The following EYS variants were observed in gnomAD, a reference collection of about 807,000 sequenced individuals.
EYS encodes the protein EGF-like photoreceptor maintenance factor, also known as protein eyes shut homolog.
A neutral mutation model predicts 282.1 loss-of-function variants in EYS; 250 were observed. The ratio of observed to expected loss-of-function variants is 0.89; its 90% CI spans 0.80 to 0.98. The LOEUF (loss-of-function observed/expected upper bound fraction) is 0.98, where lower values mean the gene tolerates loss of function less well. EYS is among the 50% of genes least tolerant of loss of function. The pLI, the probability that EYS is intolerant of heterozygous loss-of-function variation, is 0.00. For synonymous variants in EYS, 1,355 were observed against 1,282.9 expected (o/e 1.06, Z -1.20); for missense variants, 4,016 against 3,709.0 (o/e 1.08, Z -2.15).
intron 9 of EYS, among the ~76,000 whole-genome samples, chr6:65,346,803 C>G (rs1770413425): frequency 6.6e-6 from 1 of 151,582 alleles, no homozygotes; most frequent in Admixed American, 6.6e-5. Context: ...GAACACTGAG[C>G]AAAAAACATG....
intron 35 of EYS, among the ~76,000 whole-genome samples, chr6:63,947,155 G>A (rs1765423306): frequency 6.6e-6 from 1 of 151,996 alleles, no homozygotes; most frequent in Admixed American, 6.6e-5. Context: ...TGAACAAAAT[G>A]TTATAATAAC....
At chr6:64,754,043 C>G (rs1772850389) in intron 22 of EYS, among the ~76,000 whole-genome samples, 1 of 151,980 alleles carries the variant, frequency 6.6e-6, no homozygotes. Flanking sequence ...AATTAAAACT[C>G]TTCTTGAAAA....
intron 26 of EYS, among the ~76,000 whole-genome samples, chr6:64,515,225 A>C (rs903737048): frequency 6.6e-6 from 1 of 151,700 alleles, no homozygotes; most frequent in African/African-American, 2.4e-5. Context: ...TTTTATATGG[A>C]TTAAGAATAA....
In EYS at chr6:65,567,742, T is replaced by C. The variant is rs137990128; in HGVS notation, c.-332-71749A>G. ...TAAAAAAGATAAACCCTAGCGGATT[T>C]ATAGTTATGCAGGGTTTTAACCAGT... is the stretch of plus-strand genomic sequence containing the variant. On this transcript the variant is annotated intron_variant, in intron 2 of 42. Coordinates refer to ENST00000503581, the MANE Select transcript of EYS (RefSeq NM_001142800.2). Among the ~76,000 whole-genome samples, 209 of 152,294 alleles carry C rather than the reference T, an allele frequency of 1.4e-3. 1 individual carries two copies. Among genetic ancestry groups the C allele is most frequent in the African/African-American group, 4.8e-3 (199 of 41,578 alleles).
At chr6:65,597,326 G>A (rs1054733714) in intron 2 of EYS, among the ~76,000 whole-genome samples, 3 of 151,982 alleles carry the variant, frequency 2.0e-5, no homozygotes, top group Non-Finnish European at 2.9e-5. Flanking sequence ...CTCGCCCAGA[G>A]TAATGTTCCA....
chr6:65,541,531 A>G (rs1768167409), intron 2 of EYS, among the ~76,000 whole-genome samples: 1 of 152,158 alleles, frequency 6.6e-6, no homozygotes, highest in African/African-American at 2.4e-5. Flanking sequence ...TATAATCCAG[A>G]CTATATTTTA....
chr6:65,245,036 G>T (rs899361704), intron 12 of EYS, among the ~76,000 whole-genome samples: 1 of 152,094 alleles, frequency 6.6e-6, no homozygotes, highest in Admixed American at 6.6e-5. Context: ...TTGTACTGCT[G>T]CTCACATTAT....
chr6:64,855,415 C>T (rs1008741585), intron 19 of EYS, among the ~76,000 whole-genome samples: 55 of 151,854 alleles, frequency 3.6e-4, no homozygotes, highest in African/African-American at 1.1e-3. Flanking sequence ...TCTTATTTTT[C>T]GCTTTTATTC....
intron 1 of EYS, among the ~76,000 whole-genome samples, chr6:65,642,676 A>G (rs1330023217): frequency 6.6e-6 from 1 of 152,208 alleles, no homozygotes. Context: ...TTATGTAACT[A>G]ACAAATACTT....
chr6:64,485,863 C>A (rs562447531), intron 26 of EYS, among the ~76,000 whole-genome samples: 124 of 151,412 alleles, frequency 8.2e-4, no homozygotes, highest in African/African-American at 3.0e-3. Context: ...CCAATGTTTA[C>A]TATTCATTAA....
chr6:64,139,521 A>G (rs1774269820), intron 31 of EYS, among the ~76,000 whole-genome samples: 1 of 152,168 alleles, frequency 6.6e-6, no homozygotes, highest in African/African-American at 2.4e-5. Context: ...GTGATTTCTG[A>G]TCTTGAGATT....
rs779204042 is a variant in EYS at position 65,335,064 on chromosome 6, T to C, written c.1682A>G (p.Asn561Ser). 2 of 1,612,036 alleles carry C rather than the reference T, an allele frequency of 1.2e-6. No homozygotes were observed. Among genetic ancestry groups the C allele is most frequent in the Admixed American group, 3.3e-5 (2 of 59,740 alleles). ...ATCAGTTGTATTTTCCAGATACATGTTGCCAGCCCATCTGAGAAAACATAG... is the reference window on the plus strand; with the variant it reads ...ATCAGTTGTATTTTCCAGATACATGCTGCCAGCCCATCTGAGAAAACATAG... ...RYLCFLRWAG[N>S]MYLENTTDDQ... The change falls in exon 11 of 43, where the codon AAC becomes AGC. Residue 561 changes from asparagine to serine, a missense_variant. Coordinates refer to ENST00000503581, the MANE Select transcript of EYS (RefSeq NM_001142800.2).
At position 65,431,108 on chromosome 6, in the gene EYS, A is replaced by G. The variant is rs191711301; in HGVS notation, c.863-25741T>C. ...AGAATCTTCTACACTACTACTTTCA[A>G]TTTGCCTTTTCTACCACCACTCCAG... On this transcript the variant is annotated intron_variant, in intron 5 of 42. Transcript: ENST00000503581. Among the ~76,000 whole-genome samples, 4 of 152,262 alleles carry G rather than the reference A, an allele frequency of 2.6e-5. No homozygotes were observed. The East Asian group carries it at 5.8e-4, about 22-fold the overall frequency.
intron 2 of EYS, among the ~76,000 whole-genome samples, chr6:65,511,349 G>T (rs1195168415): frequency 6.6e-6 from 1 of 150,780 alleles, no homozygotes; most frequent in Non-Finnish European, 1.5e-5. Flanking sequence ...TTCTGTGTGT[G>T]TGTGTGTGTG....
intron 1 of EYS, among the ~76,000 whole-genome samples, chr6:65,646,418 G>A (rs930537318): frequency 6.6e-6 from 1 of 152,066 alleles, no homozygotes; most frequent in Non-Finnish European, 1.5e-5. Context: ...AATTAAAAAC[G>A]AAAGTCACAT....
intron 2 of EYS, among the ~76,000 whole-genome samples, chr6:65,611,782 C>T (rs1766010531): frequency 6.6e-6 from 1 of 152,024 alleles, no homozygotes; most frequent in Non-Finnish European, 1.5e-5. Context: ...GGGCCTCAAA[C>T]CCACTACTTC....
chr6:65,355,676 T>C (rs1025033934), intron 8 of EYS, among the ~76,000 whole-genome samples: 11 of 152,014 alleles, frequency 7.2e-5, no homozygotes, highest in Non-Finnish European at 1.5e-4. Context: ...GTGACATGAA[T>C]AGACATTTTT....
chr6:64,677,965 T>C (rs1769753193), intron 22 of EYS, among the ~76,000 whole-genome samples: 1 of 151,908 alleles, frequency 6.6e-6, no homozygotes, highest in Non-Finnish European at 1.5e-5. Flanking sequence ...GTTGAAGTAA[T>C]AGTAATTTTC....
chr6:64,057,759 C>A (rs1223944464), intron 33 of EYS, among the ~76,000 whole-genome samples: 1 of 152,126 alleles, frequency 6.6e-6, no homozygotes, highest in African/African-American at 2.4e-5. Flanking sequence ...ATTTCACACT[C>A]AAAAATCAAA....
Sources: allele counts gnomAD v4.1 joint callset (sites outside exome capture counted in the v4.1 genomes callset), GRCh38; gene constraint gnomAD v4.1.1; transcripts MANE v1.5; gene names NCBI Gene and HGNC (gene_info 2026-07-23, HGNC 2026-07-21).